ZNF577: variants seen among roughly 807,000 people sequenced by gnomAD.
ZNF577 encodes zinc finger protein 577.
ZNF577 carries 14 observed loss-of-function variants against 13.9 expected under a neutral mutation model. The ratio of observed to expected loss-of-function variants is 1.00; its 90% CI spans 0.66 to 1.57. ZNF577 has a LOEUF of 1.57. Ranked by LOEUF, ZNF577 falls within the 40% of genes most tolerant of loss-of-function variation. ZNF577 has a pLI of 0.00. For missense variants in ZNF577, 555 were observed against 579.2 expected, an observed-to-expected ratio of 0.96 and a Z score of 0.43; for synonymous variants, 203 against 202.9, an observed-to-expected ratio of 1.00 and a Z score of 0.00.
chr19:51,818,224 A>G (rs2084157803), intron 9 of ZNF577, among the ~76,000 whole-genome samples: 1 of 152,202 alleles, frequency 6.6e-6, no homozygotes. Flanking sequence ...AACGCCATGT[A>G]TCTCATTAAT....
At chr19:51,847,987 T>C (rs1473667189) in intron 5 of ZNF577, among the ~76,000 whole-genome samples, 3 of 152,174 alleles carry the variant, frequency 2.0e-5, no homozygotes, top group Non-Finnish European at 4.4e-5. Context: ...CTCAGCAATA[T>C]GGTCGCGCCC....
intron 9 of ZNF577, among the ~76,000 whole-genome samples, chr19:51,815,588 C>T (rs894628536): frequency 3.6e-4 from 54 of 149,842 alleles, no homozygotes; most frequent in African/African-American, 1.3e-3. Context: ...AAGGTAGACA[C>T]CAGGCACGGT....
intron 9 of ZNF577, among the ~76,000 whole-genome samples, chr19:51,815,596 G>T (rs1048440124): frequency 4.6e-5 from 7 of 151,042 alleles, no homozygotes; most frequent in Admixed American, 1.3e-4. Flanking sequence ...CACCAGGCAC[G>T]GTGGCTCACA....
Position 51,877,361 on chromosome 19 carries a change from C to T in ZNF577, c.204G>A (p.Lys68=). ...GCTCCAACTTGAAGAGCGAATCTGG[C>T]TTGGTGCCTCGATACCCTGTAAATG... ...NLVSIGYRGT[K]PDSLFKLEQG... Residue 68 remains lysine (K), a synonymous_variant, in exon 5 of 6, where the codon AAG becomes AAA. Transcript: ENST00000638348. The T allele has an allele frequency of 6.2e-7, 1 of 1,614,068 alleles. No individual in the cohort carries two copies. The highest frequency in any genetic ancestry group is 8.5e-7 in the Non-Finnish European group (1 of 1,179,982).
Position 51,873,474 on chromosome 19 carries a change from C to G in ZNF577, c.516G>C (p.Gln172His). The G allele has an allele frequency of 6.2e-7, 1 of 1,614,194 alleles. No individual in the cohort carries two copies. The highest frequency in any genetic ancestry group is 1.7e-5 in the Admixed American group (1 of 60,028). Reference protein sequence around the residue: ...VCGRAFSRKAQLIQHQRTERG... With the variant: ...VCGRAFSRKAHLIQHQRTERG... ...TTTCAGTTCTCTGATGTTGAATAAG[C>G]TGTGCTTTCCTGGAGAAGGCTCTCC... The change falls in exon 6 of 6, where the codon CAG (glutamine) becomes CAC (histidine). Residue 172 changes from glutamine to histidine, a missense_variant. Coordinates refer to ENST00000638348, the MANE Select transcript of ZNF577 (RefSeq NM_001370449.1).
chr19:51,877,421 G>T, intron 4 of ZNF577, 44 bp from the exon 5 acceptor site: 1 of 1,512,044 alleles, frequency 6.6e-7, no homozygotes, highest in Non-Finnish European at 9.2e-7. Flanking sequence ...TGTGCTTGGG[G>T]AATGGATGAA....
intron 5 of ZNF577, among the ~76,000 whole-genome samples, chr19:51,875,942 A>G (rs1468440628): frequency 6.6e-6 from 1 of 152,250 alleles, no homozygotes; most frequent in Non-Finnish European, 1.5e-5. Context: ...CGTAGAACAG[A>G]GTAAACCGAG....
At chr19:51,810,966 G>T (rs2084092671) in intron 10 of ZNF577, among the ~76,000 whole-genome samples, 1 of 152,164 alleles carries the variant, frequency 6.6e-6, no homozygotes, top group Non-Finnish European at 1.5e-5. Context: ...TGCTACCAAA[G>T]GAGGCAATAC....
At chr19:51,879,926 T>C (rs1430231821) in intron 3 of ZNF577, among the ~76,000 whole-genome samples, 1 of 152,214 alleles carries the variant, frequency 6.6e-6, no homozygotes, top group East Asian at 1.9e-4. Flanking sequence ...AGAAGCATTG[T>C]CAGTATCTGC....
chr19:51,886,142 G>A (rs2122736690), intron 1 of ZNF577: 1 of 151,986 alleles, frequency 6.6e-6, no homozygotes, highest in South Asian at 2.1e-4. Flanking sequence ...GAAGATGAGG[G>A]CTTCTGGGAT....
Position 51,886,945 on chromosome 19 carries a change from G to A in ZNF577, c.-343C>T, listed in dbSNP as rs1247605160. ...AAAGACGTCAATTTATAAGTTATAT[G>A]TAATGACATGAGTACAATGAAGTGA... On this transcript the variant is annotated 5_prime_UTR_variant, in exon 1 of 6. Transcript: ENST00000638348. 3 of 152,106 alleles carry A rather than the reference G, an allele frequency of 2.0e-5. No homozygotes were observed. Among genetic ancestry groups the A allele is most frequent in the Non-Finnish European group, 4.4e-5 (3 of 68,024 alleles). The allele number at this position is 152,106 out of a possible 1,614,324, so 9.4% of individuals were successfully genotyped here.
At chr19:51,865,726 T>C (rs1426691981), downstream of ZNF577, among the ~76,000 whole-genome samples, 1 of 152,204 alleles carries the variant, frequency 6.6e-6, no homozygotes, top group Non-Finnish European at 1.5e-5. Flanking sequence ...ACCCTCATGG[T>C]CAGCTCCTTT....
At chr19:51,828,776 G>A (rs1395349341) in intron 9 of ZNF577, among the ~76,000 whole-genome samples, 1 of 152,152 alleles carries the variant, frequency 6.6e-6, no homozygotes, top group Non-Finnish European at 1.5e-5. Context: ...GCTGGTTTTA[G>A]ATTTTTTGTT....
chr19:51,858,082 G>C (rs993951006), intron 5 of ZNF577, among the ~76,000 whole-genome samples: 6 of 152,200 alleles, frequency 3.9e-5, no homozygotes, highest in Admixed American at 1.3e-4. Context: ...CTCCCACCCA[G>C]CTAACTCCCC....
At chr19:51,821,301 C>T (rs2084186984) in intron 9 of ZNF577, among the ~76,000 whole-genome samples, 1 of 152,216 alleles carries the variant, frequency 6.6e-6, no homozygotes, top group African/African-American at 2.4e-5. Context: ...GCCCAGTGTT[C>T]TTTACTCTGT....
intron 5 of ZNF577, among the ~76,000 whole-genome samples, chr19:51,876,061 TCA>T (rs1278974344): frequency 1.3e-5 from 2 of 152,102 alleles, no homozygotes; most frequent in African/African-American, 4.8e-5. Context: ...GGAAAGAGAA[TCA>T]CAGTTTCTAA....
chr19:51,847,472 C>G (rs1000200434), intron 5 of ZNF577, among the ~76,000 whole-genome samples: 2 of 152,068 alleles, frequency 1.3e-5, no homozygotes, highest in Non-Finnish European at 2.9e-5. Flanking sequence ...ACTTGGACCC[C>G]TGAAACCTCA....
chr19:51,846,328 G>T (rs1000472051), intron 5 of ZNF577, among the ~76,000 whole-genome samples: 1 of 152,114 alleles, frequency 6.6e-6, no homozygotes, highest in Non-Finnish European at 1.5e-5. Context: ...CTATTAATAC[G>T]TATTTGCAGA....
intron 5 of ZNF577, among the ~76,000 whole-genome samples, chr19:51,853,279 T>G (rs1255585880): frequency 1.3e-5 from 2 of 152,158 alleles, no homozygotes; most frequent in African/African-American, 4.8e-5. Flanking sequence ...CCTTACTCCC[T>G]TTCTCTAACT....
Sources: gnomAD v4.1 joint callset for allele counts (sites outside exome capture counted in the v4.1 genomes callset) on GRCh38, gnomAD v4.1.1 for gene constraint, MANE v1.5 for transcripts, NCBI Gene and HGNC (gene_info 2026-07-23, HGNC 2026-07-21) for gene names.